Variants in ZNF358 observed in about 807,000 individuals in gnomAD.
The protein encoded by ZNF358 is zinc finger protein 358.
Under a neutral mutation model 2.1 loss-of-function variants are expected in ZNF358, and 1 was observed. That is an observed-to-expected ratio of 0.49 (90% CI 0.17 to 2.30). ZNF358 has a LOEUF of 2.30. ZNF358 is among the 30% of genes most tolerant of loss of function. The pLI is 0.26. For missense variants in ZNF358, 665 were observed against 806.8 expected (o/e 0.82, Z 2.13); for synonymous variants, 381 against 359.7 (o/e 1.06, Z -0.67).
rs1298312507 is a variant in ZNF358 at position 7,520,145 on chromosome 19, G to A, written c.903G>A (p.Gly301=). The change falls in exon 2 of 2, where the codon GGG becomes GGA. Residue 301 remains glycine, a synonymous_variant. Coordinates refer to ENST00000597229, the MANE Select transcript of ZNF358 (RefSeq NM_018083.5). The surrounding 1 kb of genome is among the most constrained non-coding windows in gnomAD (Gnocchi z 6.0). The part of the protein sequence containing the change: ...YPCPQCGKAF[G]QSSALLQHQR... ...GTCCGCAGTGCGGCAAGGCCTTCGG[G>A]CAGAGCTCGGCGCTGCTGCAGCACC... The A allele has an allele frequency of 6.3e-7, 1 of 1,587,598 alleles. No individual in the cohort carries two copies. Among genetic ancestry groups the A allele is most frequent in the African/African-American group, 1.4e-5 (1 of 72,194 alleles).
chr19:7,519,776 G>T lies in ZNF358; in HGVS notation c.534G>T (p.Pro178=), dbSNP rs1457781840. The T allele has an allele frequency of 6.5e-7, 1 of 1,532,060 alleles. No homozygotes were observed. The highest frequency in any genetic ancestry group is 2.5e-5 in the East Asian group (1 of 40,684). 94.9% of individuals were successfully genotyped at this position (1,532,060 alleles called of 1,614,324 possible). The change falls in exon 2 of 2, where the codon CCG becomes CCT. Residue 178 remains proline (P), a synonymous_variant. Coordinates refer to ENST00000597229, the MANE Select transcript of ZNF358 (RefSeq NM_018083.5). ...QHRRTHSGEK[P]YRCPDCGKSF... ...GCCGCACGCACAGCGGCGAGAAGCCGTACCGCTGCCCCGACTGCGGGAAGT... is the reference window on the plus strand; with the variant it reads ...GCCGCACGCACAGCGGCGAGAAGCCTTACCGCTGCCCCGACTGCGGGAAGT...
At chr19:7,517,812 T>G (rs1599244826) in intron 1 of ZNF358, among the ~76,000 whole-genome samples, 1 of 152,196 alleles carries the variant, frequency 6.6e-6, no homozygotes, top group East Asian at 1.9e-4. Context: ...AGCCAGAGTC[T>G]TCTTGTCTTT....
At chr19:7,519,134 C>A in intron 1 of ZNF358, 71 bp from the exon 2 acceptor site, 1 of 1,492,340 alleles carries the variant, frequency 6.7e-7, no homozygotes, top group East Asian at 2.3e-5. Flanking sequence ...TCATCCCTAA[C>A]CAGACTCCAA....
chr19:7,514,210 C>T (rs1294770374), upstream of ZNF358, among the ~76,000 whole-genome samples: 2 of 152,198 alleles, frequency 1.3e-5, no homozygotes, highest in East Asian at 1.9e-4. Flanking sequence ...TCAACCCATA[C>T]CTAATTATTG....
Position 7,520,793 on chromosome 19 carries a change from C to T in ZNF358, c.1551C>T (p.Ser517=). ...GCCCAGACCTTGATCCTGTGCCCAG[C>T]CCAGACCCTGATCCTGTGCCCAGCC... is the stretch of plus-strand genomic sequence containing the variant. ...VPSPDLDPVP[S]PDPDPVPSPD... is the part of the protein sequence containing the mutation. Residue 517 remains serine (S), a synonymous_variant, in exon 2 of 2, where the codon AGC becomes AGT. Transcript: ENST00000597229. This position sits in a 1 kb window ranked among gnomAD's most constrained non-coding sequence, Gnocchi z 6.0. The T allele has an allele frequency of 6.2e-7, 1 of 1,611,784 alleles. No homozygotes were observed. Among genetic ancestry groups the T allele is most frequent in the Non-Finnish European group, 8.5e-7 (1 of 1,179,994 alleles).
chr19:7,520,837 C>G lies in ZNF358; in HGVS notation c.1595C>G (p.Ser532Cys). Residue 532 changes from serine to cysteine, a missense_variant, in exon 2 of 2, where the codon TCC becomes TGC. By Grantham distance (112) the Ser-to-Cys change is moderately radical. Coordinates refer to ENST00000597229, the MANE Select transcript of ZNF358 (RefSeq NM_018083.5). The surrounding 1 kb of genome is among the most constrained non-coding windows in gnomAD (Gnocchi z 6.0). ...CCCAGCCCTGATCCCAACCCTGTGT[C>G]CTGCCCTGACCCCTGTTCTCCCACT... The part of the protein sequence containing the change: ...PVPSPDPNPV[S>C]CPDPCSPTRG... 1 of 1,614,052 alleles carries G rather than the reference C, an allele frequency of 6.2e-7. No individual in the cohort carries two copies. The highest frequency in any genetic ancestry group is 8.5e-7 in the Non-Finnish European group (1 of 1,179,984).
rs375433411 is a variant in ZNF358, at chr19:7,519,512, G to A, written c.270G>A (p.Ser90=). The change falls in exon 2 of 2, where the codon TCG becomes TCA. Residue 90 remains serine (S), a synonymous_variant. Coordinates refer to ENST00000597229, the MANE Select transcript of ZNF358 (RefSeq NM_018083.5). ...SEPQDPDPMS[S]SFDLDPDVIG... is the part of the protein sequence containing the mutation. ...CCCAAGATCCCGACCCCATGTCTTC[G>A]AGTTTCGACCTCGATCCAGATGTGA... The A allele has an allele frequency of 3.1e-6, 5 of 1,611,974 alleles. No homozygotes were observed. The highest frequency in any genetic ancestry group is 4.5e-5 in the East Asian group (2 of 44,866).
intron 1 of ZNF358, among the ~76,000 whole-genome samples, chr19:7,518,301 C>T (rs1193350386): frequency 6.6e-6 from 1 of 152,048 alleles, no homozygotes; most frequent in African/African-American, 2.4e-5. Flanking sequence ...GAAGGATCCA[C>T]GTGTATGCTC....
chr19:7,519,066 A>C (rs1168002478), intron 1 of ZNF358, 139 bp from the exon 2 acceptor site: 1 of 181,200 alleles, frequency 5.5e-6, no homozygotes, highest in Non-Finnish European at 7.3e-6. Context: ...CCCCATCTCA[A>C]AAAAAAAAAA....
chr19:7,520,283 C>A lies in ZNF358; in HGVS notation c.1041C>A (p.Tyr347Ter), dbSNP rs1417429175. ...GCATCCACACGGGCGAGCGGCCCTA[C>A]GCCTGCCCGCACTGCTCCAAGGCCT... ...HLRIHTGERP[Y>*]ACPHCSKAFG... The change falls in exon 2 of 2, where the codon TAC becomes TAA. Residue 347 changes from tyrosine (Y) to a stop codon, truncating the protein, a stop_gained. Transcript: ENST00000597229. LOFTEE classifies it low-confidence loss of function (END_TRUNC). The surrounding 1 kb of genome is among the most constrained non-coding windows in gnomAD (Gnocchi z 6.0). 1 of 1,610,194 alleles carries A rather than the reference C, an allele frequency of 6.2e-7. No homozygotes were observed. The highest frequency in any genetic ancestry group is 8.5e-7 in the Non-Finnish European group (1 of 1,179,610).
intron 1 of ZNF358, 140 bp from the exon 2 acceptor site, chr19:7,519,064 CA>C (rs397859220): frequency 0.23 from 130,170 of 570,898 alleles, 1,251 homozygotes; most frequent in African/African-American, 0.32. Flanking sequence ...GACCCCATCT[CA>C]AAAAAAAAAA....
rs754452271 is a variant in ZNF358 at position 7,520,280 on chromosome 19, C to T, written c.1038C>T (p.Pro346=). The T allele has an allele frequency of 1.2e-6, 2 of 1,610,176 alleles. No individual in the cohort carries two copies. Among genetic ancestry groups the T allele is most frequent in the Non-Finnish European group, 1.7e-6 (2 of 1,179,618 alleles). Residue 346 remains proline, a synonymous_variant, in exon 2 of 2, where the codon CCC becomes CCT. Transcript: ENST00000597229. The surrounding 1 kb of genome is among the most constrained non-coding windows in gnomAD (Gnocchi z 6.0). ...HHLRIHTGER[P]YACPHCSKAF... ...TGCGCATCCACACGGGCGAGCGGCC[C>T]TACGCCTGCCCGCACTGCTCCAAGG... is the stretch of plus-strand genomic sequence containing the variant.
Position 7,520,112 on chromosome 19 carries a change from C to A in ZNF358, c.870C>A (p.Pro290=). The A allele has an allele frequency of 6.3e-7, 1 of 1,596,014 alleles. No homozygotes were observed. Among genetic ancestry groups the A allele is most frequent in the Non-Finnish European group, 8.5e-7 (1 of 1,177,334 alleles). ...KHLRTHTGER[P]YPCPQCGKAF... ...TGCGCACGCACACGGGCGAGCGGCC[C>A]TACCCGTGTCCGCAGTGCGGCAAGG... Residue 290 remains proline, a synonymous_variant, in exon 2 of 2, where the codon CCC becomes CCA. Transcript: ENST00000597229. The surrounding 1 kb of genome is among the most constrained non-coding windows in gnomAD (Gnocchi z 6.0).
Position 7,519,982 on chromosome 19 carries a change from G to A in ZNF358, c.740G>A (p.Gly247Asp). ...GTGTGTGGCAAGGCCTTCGGGCACG[G>A]CTCGCTCCTGGCACAGCACCTGCGC... Reference protein sequence around the residue: ...CPVCGKAFGHGSLLAQHLRTH... With the variant: ...CPVCGKAFGHDSLLAQHLRTH... The change falls in exon 2 of 2, where the codon GGC (glycine) becomes GAC (aspartate). Residue 247 changes from glycine to aspartate, a missense_variant. By Grantham distance (94) the Gly-to-Asp change is moderately conservative. This residue lies in a region of ZNF358 where 210 missense variants were observed against 350.8 expected (regional missense o/e 0.60). Coordinates refer to ENST00000597229, the MANE Select transcript of ZNF358 (RefSeq NM_018083.5). The A allele has an allele frequency of 6.6e-7, 1 of 1,518,830 alleles. No homozygotes were observed. Among genetic ancestry groups the A allele is most frequent in the Non-Finnish European group, 8.8e-7 (1 of 1,138,472 alleles). The allele number at this position is 1,518,830 out of a possible 1,614,324, so 94.1% of individuals were successfully genotyped here.
chr19:7,518,557 G>GAGAAAAAGAAAGAA, intron 1 of ZNF358, among the ~76,000 whole-genome samples: 1 of 116,172 alleles, frequency 8.6e-6, no homozygotes, highest in South Asian at 3.1e-4. Context: ...GAGAGAGAGA[G>GAGAAAAAGAAAGAA]AGAAAGAAAG....
chr19:7,519,115 T>A, intron 1 of ZNF358, 90 bp from the exon 2 acceptor site: 2 of 1,245,706 alleles, frequency 1.6e-6, no homozygotes, highest in South Asian at 3.4e-5. Flanking sequence ...CACAATCGGG[T>A]CCCGTCTCTC....
Position 7,520,079 on chromosome 19 carries a change from C to CA in ZNF358, c.840dup (p.His281ThrfsTer118). 1.3e-6 allele frequency: 2 copies of CA among 1,586,928 alleles called. No individual in the cohort carries two copies. The highest frequency in any genetic ancestry group is 1.7e-6 in the Non-Finnish European group (2 of 1,173,700). On this transcript the variant is annotated frameshift_variant, in exon 2 of 2. Transcript: ENST00000597229. LOFTEE classifies it low-confidence loss of function (END_TRUNC). This position sits in a 1 kb window ranked among gnomAD's most constrained non-coding sequence, Gnocchi z 6.0. ...GCTTCGGCCAGGGCTCTGCGCTGCTCAAACACCTGCGCACGCACACGGGCG... is the reference window on the plus strand; with the variant it reads ...GCTTCGGCCAGGGCTCTGCGCTGCTCAAAACACCTGCGCACGCACACGGGCG...
At position 7,519,665 on chromosome 19, in the gene ZNF358, C is replaced by CCCCGCCCCCGCCAG; in HGVS notation, c.432_445dup (p.Arg149ProfsTer23). On this transcript the variant is annotated frameshift_variant, in exon 2 of 2. Coordinates refer to ENST00000597229, the MANE Select transcript of ZNF358 (RefSeq NM_018083.5). LOFTEE classifies it low-confidence loss of function (END_TRUNC). ...TCTTGGCCACCAGCCCCGCGGTGCTCCCCGCCCCCGCCAGCCCGCCCCGGC... is the reference window on the plus strand; with the variant it reads ...TCTTGGCCACCAGCCCCGCGGTGCTCCCCGCCCCCGCCAGCCCGCCCCCGCCAGCCCGCCCCGGC... 1 of 1,574,336 alleles carries CCCCGCCCCCGCCAG rather than the reference C, an allele frequency of 6.4e-7. No individual in the cohort carries two copies. The highest frequency in any genetic ancestry group is 8.6e-7 in the Non-Finnish European group (1 of 1,167,506).
chr19:7,520,543 A>G lies in ZNF358; in HGVS notation c.1301A>G (p.Gln434Arg). ...LSPASMMRPG[Q>R]VSLLGPDAVS... is the part of the protein sequence containing the mutation. Reference sequence around the variant, plus strand: ...CCTGCATCCATGATGAGGCCGGGGCAGGTCTCCCTCCTGGGTCCTGATGCT... The same window carrying G: ...CCTGCATCCATGATGAGGCCGGGGCGGGTCTCCCTCCTGGGTCCTGATGCT... The change falls in exon 2 of 2, where the codon CAG (glutamine) becomes CGG (arginine). Residue 434 changes from glutamine (Q) to arginine (R), a missense_variant. Gln to Arg is a conservative substitution (Grantham distance 43, BLOSUM62 1). This residue lies in a region of ZNF358 where 249 missense variants were observed against 227.6 expected (regional missense o/e 1.09). Coordinates refer to ENST00000597229, the MANE Select transcript of ZNF358 (RefSeq NM_018083.5). The surrounding 1 kb of genome is among the most constrained non-coding windows in gnomAD (Gnocchi z 6.0). The G allele has an allele frequency of 8.0e-7, 1 of 1,249,552 alleles. No homozygotes were observed. The highest frequency in any genetic ancestry group is 1.1e-6 in the Non-Finnish European group (1 of 872,578). 77.4% of individuals were successfully genotyped at this position (1,249,552 alleles called of 1,614,324 possible). A position where few individuals can be genotyped will look rare whatever the true frequency, so the allele number is the denominator to read the frequency against.
Sources: gnomAD v4.1 joint callset for allele counts (sites outside exome capture counted in the v4.1 genomes callset) on GRCh38, gnomAD v4.1.1 for gene constraint, gnomAD v4.1.1 regional missense constraint, Gnocchi (gnomAD v3.1) non-coding constraint, MANE v1.5 for transcripts, NCBI Gene and HGNC (gene_info 2026-07-23, HGNC 2026-07-21) for gene names.